Variants in THRB observed in about 807,000 individuals in gnomAD.
THRB encodes the protein thyroid hormone receptor beta, also known as nuclear receptor subfamily 1 group A member 2.
Under a neutral mutation model 47.8 loss-of-function variants are expected in THRB, and 12 were observed. The observed-to-expected ratio is 0.25, with a 90% CI of 0.16 to 0.41. The LOEUF (loss-of-function observed/expected upper bound fraction) is 0.41. THRB is among the 10% of genes least tolerant of loss of function. The pLI is 1.00. For missense variants in THRB, 348 were observed against 589.2 expected (o/e 0.59, Z 4.24); for synonymous variants, 218 against 212.2 (o/e 1.03, Z -0.24).
At chr3:24,149,714 T>C (rs1271452567) in intron 6 of THRB, among the ~76,000 whole-genome samples, 1 of 152,200 alleles carries the variant, frequency 6.6e-6, no homozygotes, top group Non-Finnish European at 1.5e-5. Context: ...TTTCTTAAGC[T>C]ATAATTAAAG....
At chr3:24,279,022 T>C (rs1451300083) in intron 3 of THRB, among the ~76,000 whole-genome samples, 3 of 152,088 alleles carry the variant, frequency 2.0e-5, no homozygotes, top group African/African-American at 7.2e-5. Flanking sequence ...TTTTTAAATG[T>C]TTCATAGAGA....
At chr3:24,281,926 T>A (rs1336956183) in intron 3 of THRB, among the ~76,000 whole-genome samples, 1 of 149,726 alleles carries the variant, frequency 6.7e-6, no homozygotes, top group African/African-American at 2.5e-5. Flanking sequence ...AGCACCCAGA[T>A]TCATAAAGCA....
intron 1 of THRB, among the ~76,000 whole-genome samples, chr3:24,384,000 C>A (rs1204031959): frequency 2.0e-5 from 3 of 152,106 alleles, no homozygotes; most frequent in African/African-American, 4.8e-5. Context: ...CTTAAGGGAT[C>A]TTTCTTGGTC....
At chr3:24,342,464 C>T (rs1369192533) in intron 1 of THRB, among the ~76,000 whole-genome samples, 1 of 152,122 alleles carries the variant, frequency 6.6e-6, no homozygotes, top group Non-Finnish European at 1.5e-5. Context: ...TAACTGGCCA[C>T]TCCAGCAGGA....
chr3:24,255,162 G>A (rs894876687), intron 3 of THRB, among the ~76,000 whole-genome samples: 1 of 151,940 alleles, frequency 6.6e-6, no homozygotes, highest in African/African-American at 2.4e-5. Context: ...TCATCCCATC[G>A]GTCCAGTATT....
chr3:24,190,314 C>T lies in THRB; in HGVS notation c.43G>A (p.Asp15Asn). Residue 15 changes from aspartate to asparagine, a missense_variant, in exon 5 of 11, where the codon GAC (aspartate) becomes AAC (asparagine). Around this residue, in one of 5 missense-constraint regions of THRB, gnomAD observed 148 missense variants for 122.3 expected, o/e 1.21. Transcript: ENST00000646209. ...CGGTCTGGACAGTGCTTCGGTTTGT[C>T]CCAGGCTGTAAGGCCATTTTCTAAA... The part of the protein sequence containing the change: ...SMTENGLTAW[D>N]KPKHCPDREH... 1 of 1,614,070 alleles carries T rather than the reference C, an allele frequency of 6.2e-7. No individual in the cohort carries two copies.
At chr3:24,163,579 T>C (rs753629517) in intron 5 of THRB, among the ~76,000 whole-genome samples, 2 of 152,180 alleles carry the variant, frequency 1.3e-5, no homozygotes, top group Non-Finnish European at 2.9e-5. Context: ...AATGAGGCAA[T>C]GTTAATTTCT....
At chr3:24,273,146 A>C (rs981521899) in intron 3 of THRB, among the ~76,000 whole-genome samples, 12 of 152,110 alleles carry the variant, frequency 7.9e-5, no homozygotes, top group Admixed American at 5.2e-4. Flanking sequence ...ACACACACAC[A>C]CCCACACACA....
At chr3:24,446,397 C>T (rs564471286) in intron 1 of THRB, among the ~76,000 whole-genome samples, 1 of 152,236 alleles carries the variant, frequency 6.6e-6, no homozygotes, top group East Asian at 1.9e-4. Context: ...TTTCCTTCCA[C>T]TCAAAGTCTG....
At chr3:24,250,833 G>T (rs922445383) in intron 3 of THRB, among the ~76,000 whole-genome samples, 4 of 151,988 alleles carry the variant, frequency 2.6e-5, no homozygotes, top group East Asian at 3.9e-4. Context: ...AAATAAGAAA[G>T]AATACCAGAA....
intron 5 of THRB, among the ~76,000 whole-genome samples, chr3:24,188,334 T>C (rs185809923): frequency 6.6e-6 from 1 of 152,330 alleles, no homozygotes; most frequent in East Asian, 1.9e-4. Flanking sequence ...CTTATTTAAT[T>C]GTATTAACAA....
At chr3:24,374,609 A>C (rs1416291997) in intron 1 of THRB, among the ~76,000 whole-genome samples, 2 of 152,150 alleles carry the variant, frequency 1.3e-5, no homozygotes, top group Non-Finnish European at 2.9e-5. Flanking sequence ...CTATGAATTA[A>C]AGCATTTGTG....
upstream of THRB, chr3:24,495,261 G>A (rs1020870987): frequency 5.6e-5 from 8 of 143,048 alleles, no homozygotes; most frequent in African/African-American, 1.8e-4. Context: ...ACCCGGCTCC[G>A]CCAGGGGCGC....
At chr3:24,471,526 A>G (rs1412179893) in intron 1 of THRB, among the ~76,000 whole-genome samples, 1 of 152,164 alleles carries the variant, frequency 6.6e-6, no homozygotes, top group Non-Finnish European at 1.5e-5. Flanking sequence ...TGGACCCACC[A>G]TTCCAGTCCC....
chr3:24,488,176 A>G (rs182541955), intron 1 of THRB, among the ~76,000 whole-genome samples: 85 of 152,340 alleles, frequency 5.6e-4, no homozygotes, highest in Admixed American at 5.2e-3. Context: ...TCCTTTGTCC[A>G]CACTTTTGTT....
In THRB at chr3:24,299,781, A is replaced by AT. The variant is rs1440289568; in HGVS notation, c.-188-2411dup. On this transcript the variant is annotated intron_variant, in intron 2 of 10. Coordinates refer to ENST00000646209, the MANE Select transcript of THRB (RefSeq NM_001354712.2). ...GGGAAGTATGCTTTTTTATTTATTT[A>AT]TTTATTTATTTTTTTTTTTTTAGCA... Among the ~76,000 whole-genome samples the AT allele has an allele frequency of 4.1e-3, 157 of 38,672 alleles. 6 individuals carry two copies. Among genetic ancestry groups the AT allele is most frequent in the Non-Finnish European group, 5.5e-3 (109 of 19,868 alleles). 25.4% of individuals were successfully genotyped at this position (38,672 alleles called of 152,430 possible).
chr3:24,123,273 TCCAGGGA>T (rs2032042736), intron 10 of THRB, 148 bp from the exon 11 acceptor site: 3 of 1,127,158 alleles, frequency 2.7e-6, no homozygotes, highest in South Asian at 1.3e-5. Flanking sequence ...ACTCTGGTGC[TCCAGGGA>T]CCAGGTACCA....
chr3:24,314,075 T>C (rs2057946786), intron 2 of THRB, among the ~76,000 whole-genome samples: 1 of 152,234 alleles, frequency 6.6e-6, no homozygotes, highest in Non-Finnish European at 1.5e-5. Context: ...TCTACTGTAG[T>C]ACTGAGATAG....
At chr3:24,205,232 A>AT (rs1290851079) in intron 4 of THRB, among the ~76,000 whole-genome samples, 1 of 152,190 alleles carries the variant, frequency 6.6e-6, no homozygotes, top group Non-Finnish European at 1.5e-5. Context: ...TGAAGGAAAA[A>AT]ATGTTAAGGG....
Sources: gnomAD v4.1 joint callset for allele counts (sites outside exome capture counted in the v4.1 genomes callset) on GRCh38, gnomAD v4.1.1 for gene constraint, gnomAD v4.1.1 regional missense constraint, MANE v1.5 for transcripts, NCBI Gene and HGNC (gene_info 2026-07-23, HGNC 2026-07-21) for gene names.